ZNF587: variants seen among roughly 807,000 people sequenced by gnomAD.
ZNF587 encodes zinc finger protein 587, also known as zinc finger protein zfp6.
A neutral mutation model predicts 7.5 loss-of-function variants in ZNF587; 8 were observed. That is an observed-to-expected ratio of 1.06 (90% CI 0.62 to 1.92). The LOEUF is 1.92. Among genes scored for constraint, ZNF587 ranks in the 40% most tolerant of loss-of-function variants. ZNF587 has a pLI of 0.00. For missense variants in ZNF587, 468 were observed against 692.8 expected (o/e 0.68, Z 3.64); for synonymous variants, 145 against 237.8 (o/e 0.61, Z 3.59).
Position 57,856,158 on chromosome 19 carries a change from T to C in ZNF587, c.88T>C (p.Cys30Arg), listed in dbSNP as rs762062898. 6.2e-7 allele frequency: 1 copy of C among 1,612,960 alleles called. No homozygotes were observed. The highest frequency in any genetic ancestry group is 1.3e-5 in the African/African-American group (1 of 74,826). Residue 30 changes from cysteine to arginine, a missense_variant, in exon 2 of 3, where the codon TGT becomes CGT. Around this residue, in one of 5 missense-constraint regions of ZNF587, gnomAD observed 92 missense variants for 89.7 expected, o/e 1.03. Coordinates refer to ENST00000339656, the MANE Select transcript of ZNF587 (RefSeq NM_032828.4). ...TGTGAACTTTTCCCAGGAGGAGTGGTGTCTTCTTAGTGAGGCTCAGAGGTG... is the reference window on the plus strand; with the variant it reads ...TGTGAACTTTTCCCAGGAGGAGTGGCGTCTTCTTAGTGAGGCTCAGAGGTG... ...VAVNFSQEEW[C>R]LLSEAQRCLY... is the part of the protein sequence containing the mutation.
rs112449475 is a variant in ZNF587, at chr19:57,862,781, G to A, written c.*2641G>A. 7,991 of 155,026 alleles carry A rather than the reference G, an allele frequency of 0.052. 292 individuals carry two copies. Among genetic ancestry groups the A allele is most frequent in the Non-Finnish European group, 0.074 (5,044 of 68,204 alleles). The allele number at this position is 155,026 out of a possible 1,614,324, so 9.6% of individuals were successfully genotyped here. On this transcript the variant is annotated 3_prime_UTR_variant, in exon 3 of 3. Coordinates refer to ENST00000339656, the MANE Select transcript of ZNF587 (RefSeq NM_032828.4). ...GACATTCTGAGGGACCCGGAGGCAG[G>A]GTGCCACCTCCTCAACTTCCCTGAG...
At chr19:57,851,424 C>A (rs965309233) in intron 1 of ZNF587, 1 of 152,178 alleles carries the variant, frequency 6.6e-6, no homozygotes, top group Non-Finnish European at 1.5e-5. Flanking sequence ...TGAAAAAAGA[C>A]GGCTGAAAGG....
chr19:57,852,693 A>G (rs943646438), intron 1 of ZNF587, among the ~76,000 whole-genome samples: 6 of 151,784 alleles, frequency 4.0e-5, no homozygotes, highest in African/African-American at 1.5e-4. Context: ...ATGCCCAGCT[A>G]ATTTTTGTAT....
intron 1 of ZNF587, chr19:57,850,332 G>A (rs1231912631): frequency 1.6e-6 from 1 of 634,466 alleles, no homozygotes; most frequent in African/African-American, 1.8e-5. Flanking sequence ...CGGGAGACAG[G>A]AGTTTTATTA....
intron 1 of ZNF587, chr19:57,851,009 C>A (rs1239860657): frequency 6.5e-6 from 1 of 153,198 alleles, no homozygotes; most frequent in East Asian, 1.9e-4. Flanking sequence ...GTGTGATCTC[C>A]CTGAGCAACC....
At position 57,864,259 on chromosome 19, in the gene ZNF587, G is replaced by C. The variant is rs547024616; in HGVS notation, c.*4119G>C. The C allele has an allele frequency of 1.3e-5, 2 of 148,962 alleles. No homozygotes were observed. The highest frequency in any genetic ancestry group is 6.8e-5 in the Admixed American group (1 of 14,700). 9.2% of individuals were successfully genotyped at this position (148,962 alleles called of 1,614,324 possible). A position where few individuals can be genotyped will look rare whatever the true frequency, so the allele number is the denominator to read the frequency against. ...AGTGATTCTCTTGCCTCAGCCTCCC[G>C]AGTAGCTGGGCCTATAGGTTCCCTC... On this transcript the variant is annotated 3_prime_UTR_variant, in exon 3 of 3. Coordinates refer to ENST00000339656, the MANE Select transcript of ZNF587 (RefSeq NM_032828.4).
At position 57,865,034 on chromosome 19, in the gene ZNF587, TACA is replaced by T. The variant is rs1280236232; in HGVS notation, c.*4897_*4899del. 9 of 152,268 alleles carry T rather than the reference TACA, an allele frequency of 5.9e-5. No homozygotes were observed. The highest frequency in any genetic ancestry group is 5.9e-4 in the Admixed American group (9 of 15,280). 9.4% of individuals were successfully genotyped at this position (152,268 alleles called of 1,614,324 possible). ...TCTGCAGTCTCTTGTCTTGAATTAA[TACA>T]ACTTTTGTTAATTCTCTTATGAAGT... On this transcript the variant is annotated 3_prime_UTR_variant, in exon 3 of 3. Transcript: ENST00000339656.
At position 57,851,982 on chromosome 19, in the gene ZNF587, T is replaced by C. The variant is rs530942727; in HGVS notation, c.33+1911T>C. ...AGGGAGTCCTGAGCTTATCAAATCCTGTGACATGTTTGTAATGTCTGCCTT... is the reference window on the plus strand; with the variant it reads ...AGGGAGTCCTGAGCTTATCAAATCCCGTGACATGTTTGTAATGTCTGCCTT... On this transcript the variant is annotated intron_variant, in intron 1 of 2. Coordinates refer to ENST00000339656, the MANE Select transcript of ZNF587 (RefSeq NM_032828.4). The C allele has an allele frequency of 3.5e-5, 7 of 201,128 alleles. No homozygotes were observed. In the South Asian group the frequency reaches 5.7e-4, roughly 16 times the overall value. The allele number at this position is 201,128 out of a possible 1,614,324, so 12.5% of individuals were successfully genotyped here.
At position 57,859,411 on chromosome 19, in the gene ZNF587, T is replaced by C; in HGVS notation, c.999T>C (p.Phe333=). The stretch of plus-strand genomic sequence containing the variant: ...AGTGTAGAGAATGTGGGAAATCTTT[T>C]GGTCAAAAGGGTAACCTCATTCAAC... ...PYECRECGKS[F]GQKGNLIQHQ... is the part of the protein sequence containing the mutation. The change falls in exon 3 of 3, where the codon TTT becomes TTC. Residue 333 remains phenylalanine, a synonymous_variant. Transcript: ENST00000339656. 5.6e-6 allele frequency: 9 copies of C among 1,609,968 alleles called. No homozygotes were observed. Among genetic ancestry groups the C allele is most frequent in the Non-Finnish European group, 6.8e-6 (8 of 1,179,886 alleles).
intron 1 of ZNF587, chr19:57,851,933 G>C (rs944602972): frequency 6.1e-6 from 1 of 163,538 alleles, no homozygotes; most frequent in African/African-American, 2.4e-5. Context: ...AGGGTTACCT[G>C]GTTCCAGGGA....
intron 1 of ZNF587, chr19:57,850,313 C>G: frequency 1.5e-6 from 1 of 654,598 alleles, no homozygotes; most frequent in Non-Finnish European, 2.6e-6. Context: ...GCAGAGCCGT[C>G]CTGCTGTTCG....
Position 57,860,298 on chromosome 19 carries a change from T to TCAACACCC in ZNF587, c.*158_*159insCAACACCC. 1 of 1,415,068 alleles carries TCAACACCC rather than the reference T, an allele frequency of 7.1e-7. No individual in the cohort carries two copies. Among genetic ancestry groups the TCAACACCC allele is most frequent in the Non-Finnish European group, 9.7e-7 (1 of 1,031,870 alleles). The allele number at this position is 1,415,068 out of a possible 1,614,324, so 87.7% of individuals were successfully genotyped here. A position where few individuals can be genotyped will look rare whatever the true frequency, so the allele number is the denominator to read the frequency against. ...AGCGACTTCGTGTTGAGATGGAGTC[T>TCAACACCC]TGTTCTGTCACCCAGGCTGGAGTGC... On this transcript the variant is annotated 3_prime_UTR_variant, in exon 3 of 3. Coordinates refer to ENST00000339656, the MANE Select transcript of ZNF587 (RefSeq NM_032828.4).
Position 57,859,533 on chromosome 19 carries a change from A to C in ZNF587, c.1121A>C (p.His374Pro), listed in dbSNP as rs778222848. The part of the protein sequence containing the change: ...KFCFINHQRV[H>P]TGERPYKCGE... The stretch of plus-strand genomic sequence containing the variant: ...TGCTTTATTAACCATCAGCGTGTTC[A>C]CACTGGAGAAAGGCCTTACAAGTGT... The change falls in exon 3 of 3, where the codon CAC becomes CCC. Residue 374 changes from histidine to proline, a missense_variant. Around this residue, in one of 5 missense-constraint regions of ZNF587, gnomAD observed 310 missense variants for 325.6 expected, o/e 0.95. Transcript: ENST00000339656. 6 of 1,613,846 alleles carry C rather than the reference A, an allele frequency of 3.7e-6. No individual in the cohort carries two copies.
Position 57,861,577 on chromosome 19 carries a change from C to A in ZNF587, c.*1437C>A, listed in dbSNP as rs1190805304. 1 of 152,180 alleles carries A rather than the reference C, an allele frequency of 6.6e-6. No individual in the cohort carries two copies. The highest frequency in any genetic ancestry group is 1.5e-5 in the Non-Finnish European group (1 of 68,040). The allele number at this position is 152,180 out of a possible 1,614,324, so 9.4% of individuals were successfully genotyped here. A position where few individuals can be genotyped will look rare whatever the true frequency, so the allele number is the denominator to read the frequency against. Reference sequence around the variant, plus strand: ...CTCCTGGGCTCAGGCGATCCACTTGCCTAGGCTCCAAAAGTGCTTGGTCTA... The same window carrying A: ...CTCCTGGGCTCAGGCGATCCACTTGACTAGGCTCCAAAAGTGCTTGGTCTA... On this transcript the variant is annotated 3_prime_UTR_variant, in exon 3 of 3. Coordinates refer to ENST00000339656, the MANE Select transcript of ZNF587 (RefSeq NM_032828.4).
intron 1 of ZNF587, among the ~76,000 whole-genome samples, chr19:57,853,010 A>C (rs1037353768): frequency 6.2e-5 from 9 of 145,488 alleles, no homozygotes; most frequent in Middle Eastern, 3.8e-3. Flanking sequence ...GTACCACCAC[A>C]CTCGGCTAAT....
Position 57,849,934 on chromosome 19 carries a change from C to A in ZNF587, c.-105C>A, listed in dbSNP as rs576528002. On this transcript the variant is annotated 5_prime_UTR_variant, in exon 1 of 3. In the 5' UTR this introduces an upstream ATG that the reference lacks. Coordinates refer to ENST00000339656, the MANE Select transcript of ZNF587 (RefSeq NM_032828.4). ...TGAGTGCTGGGTGGGACCGCGGTGA[C>A]TGAACCTAGAAGGTGGAGAGGAATC... 147 of 1,605,014 alleles carry A rather than the reference C, an allele frequency of 9.2e-5. No homozygotes were observed. The highest frequency in any genetic ancestry group is 1.2e-4 in the Non-Finnish European group (140 of 1,175,246).
intron 2 of ZNF587, 185 bp from the exon 3 acceptor site, chr19:57,858,385 CCAAAGT>C (rs2071392459): frequency 1.1e-5 from 13 of 1,214,758 alleles, no homozygotes; most frequent in Middle Eastern, 2.8e-4. Flanking sequence ...CCTCAGCCTC[CCAAAGT>C]GCTGGGATTA....
Position 57,856,378 on chromosome 19 carries a change from G to T in ZNF587, c.163+145G>T, listed in dbSNP as rs114022979. 1.9e-3 allele frequency: 2,461 copies of T among 1,326,902 alleles called. 54 individuals carry two copies. In the African/African-American group the frequency reaches 0.033, roughly 18 times the overall value. The allele number at this position is 1,326,902 out of a possible 1,614,324, so 82.2% of individuals were successfully genotyped here. A position where few individuals can be genotyped will look rare whatever the true frequency, so the allele number is the denominator to read the frequency against. ...TGTGTAAGTTGTGTGGTTCGTAGGA[G>T]TAAGGTGTGTGTATTGCCTTTTCCT... On this transcript the variant is annotated intron_variant, in intron 2 of 2. Transcript: ENST00000339656.
At position 57,850,054 on chromosome 19, in the gene ZNF587, C is replaced by G. The variant is rs778219430; in HGVS notation, c.16C>G (p.Pro6Ala). The G allele has an allele frequency of 4.3e-6, 7 of 1,614,138 alleles. No homozygotes were observed. The African/African-American group carries it at 5.3e-5, about 12-fold the overall frequency. The part of the protein sequence containing the change: MAAAV[P>A]RRPTQQGTVT... ...AAGTAGTCCGATGGCAGCGGCTGTG[C>G]CGAGGCGCCCAACTCAGGTAATTGT... The change falls in exon 1 of 3, where the codon CCG (proline) becomes GCG (alanine). Residue 6 changes from proline (P) to alanine (A), a missense_variant. Around this residue, in one of 5 missense-constraint regions of ZNF587, gnomAD observed 92 missense variants for 89.7 expected, o/e 1.03. Coordinates refer to ENST00000339656, the MANE Select transcript of ZNF587 (RefSeq NM_032828.4).
Sources: gnomAD v4.1 joint callset for allele counts (sites outside exome capture counted in the v4.1 genomes callset) on GRCh38, gnomAD v4.1.1 for gene constraint, gnomAD v4.1.1 regional missense constraint, MANE v1.5 for transcripts, NCBI Gene and HGNC (gene_info 2026-07-23, HGNC 2026-07-21) for gene names.